The following CLASP2 variants were observed in gnomAD, a reference collection of about 807,000 sequenced individuals.
CLASP2 encodes CLIP-associating protein 2.
Under a neutral mutation model 194.4 loss-of-function variants are expected in CLASP2, and 47 were observed. The observed-to-expected ratio is 0.24, with a 90% CI of 0.19 to 0.31. The LOEUF (loss-of-function observed/expected upper bound fraction) is 0.31, where lower values mean the gene tolerates loss of function less well. Among genes scored for constraint, CLASP2 ranks in the 10% least tolerant of loss-of-function variants. CLASP2 has a pLI of 1.00. For missense variants in CLASP2, 1,445 were observed against 1,823.6 expected, an observed-to-expected ratio of 0.79 and a Z score of 3.78; for synonymous variants, 619 against 633.5, an observed-to-expected ratio of 0.98 and a Z score of 0.34.
intron 5 of CLASP2, among the ~76,000 whole-genome samples, chr3:33,685,032 A>T (rs2090442766): frequency 7.1e-6 from 1 of 141,190 alleles, no homozygotes; most frequent in Non-Finnish European, 1.5e-5. Flanking sequence ...TAAATAAATA[A>T]TAATAATAAT....
chr3:33,612,165 A>C, intron 12 of CLASP2, 94 bp from the exon 13 acceptor site: 1 of 753,430 alleles, frequency 1.3e-6, no homozygotes, highest in Non-Finnish European at 2.2e-6. Context: ...TAGTTATGTT[A>C]CAAGAGGACA....
intron 7 of CLASP2, among the ~76,000 whole-genome samples, chr3:33,646,409 T>G (rs2082293217): frequency 6.6e-6 from 1 of 152,068 alleles, no homozygotes; most frequent in South Asian, 2.1e-4. Context: ...CATAACACTA[T>G]TAGGGAGTCA....
intron 27 of CLASP2, among the ~76,000 whole-genome samples, chr3:33,563,323 GTCT>G (rs546407738): frequency 5.4e-4 from 82 of 152,222 alleles, no homozygotes; most frequent in Admixed American, 3.3e-3. Flanking sequence ...CCTTTTGCAT[GTCT>G]TCATCCTGAT....
intron 30 of CLASP2, chr3:33,545,179 A>G (rs1007879120): frequency 1.2e-5 from 2 of 161,394 alleles, no homozygotes; most frequent in African/African-American, 4.8e-5. Context: ...AGGAGAAATA[A>G]TATCTAATCT....
At chr3:33,512,708 AGGCCAGGAGT>A (rs2050243770) in intron 36 of CLASP2, among the ~76,000 whole-genome samples, 1 of 149,586 alleles carries the variant, frequency 6.7e-6, no homozygotes, top group African/African-American at 2.5e-5. Flanking sequence ...AAAAAAAAAA[AGGCCAGGAGT>A]GGTGGCTCAG....
chr3:33,524,108 A>T (rs1375967905), intron 34 of CLASP2, among the ~76,000 whole-genome samples: 12 of 152,188 alleles, frequency 7.9e-5, no homozygotes, highest in Admixed American at 7.9e-4. Flanking sequence ...AATTACTTTA[A>T]ATGTAAACGA....
intron 9 of CLASP2, among the ~76,000 whole-genome samples, chr3:33,629,583 G>C (rs2078684439): frequency 6.6e-6 from 1 of 152,124 alleles, no homozygotes; most frequent in Admixed American, 6.6e-5. Flanking sequence ...ATATTAAGCA[G>C]AGAAATAACT....
At chr3:33,598,826 T>C (rs79819185) in intron 18 of CLASP2, among the ~76,000 whole-genome samples, 6,376 of 152,274 alleles carry the variant, frequency 0.042, 201 homozygotes, top group Non-Finnish European at 0.064. Flanking sequence ...AGAATAAATA[T>C]TCATAAATAT....
intron 38 of CLASP2, among the ~76,000 whole-genome samples, chr3:33,500,147 C>T (rs1486718684): frequency 6.6e-6 from 1 of 152,096 alleles, no homozygotes; most frequent in African/African-American, 2.4e-5. Context: ...ATCCTTTCAC[C>T]TCAGCCTCCC....
intron 6 of CLASP2, among the ~76,000 whole-genome samples, chr3:33,676,124 A>C (rs1337704984): frequency 1.3e-5 from 2 of 152,146 alleles, no homozygotes; most frequent in African/African-American, 2.4e-5. Context: ...CGCATTGCCA[A>C]GTCAATCCTA....
intron 34 of CLASP2, among the ~76,000 whole-genome samples, chr3:33,522,763 G>C (rs937553514): frequency 7.2e-5 from 11 of 152,184 alleles, no homozygotes; most frequent in African/African-American, 2.7e-4. Flanking sequence ...AAGAAGTATG[G>C]TAACTGAAAT....
In CLASP2 at chr3:33,584,612, T is replaced by C. The variant is rs1352227895; in HGVS notation, c.2239+138A>G. Reference sequence around the variant, plus strand: ...CCTAATTCAACTCATAAACTATTCTTCAATTGTTGAATTTTTAAGTTATTT... The same window carrying C: ...CCTAATTCAACTCATAAACTATTCTCCAATTGTTGAATTTTTAAGTTATTT... On this transcript the variant is annotated intron_variant, in intron 22 of 38. Coordinates refer to ENST00000682230, the MANE Select transcript of CLASP2 (RefSeq NM_001365631.1). 6 of 803,414 alleles carry C rather than the reference T, an allele frequency of 7.5e-6. No homozygotes were observed. The African/African-American group carries it at 1.1e-4, about 14-fold the overall frequency. 49.8% of individuals were successfully genotyped at this position (803,414 alleles called of 1,614,324 possible). A position where few individuals can be genotyped will look rare whatever the true frequency, so the allele number is the denominator to read the frequency against.
intron 21 of CLASP2, among the ~76,000 whole-genome samples, chr3:33,586,283 T>G (rs1382872604): frequency 1.3e-5 from 2 of 152,114 alleles, no homozygotes; most frequent in African/African-American, 4.8e-5. Flanking sequence ...TATAGGCTCC[T>G]GCCATCGCAC....
chr3:33,704,318 A>T (rs2092560620), intron 1 of CLASP2, among the ~76,000 whole-genome samples: 1 of 152,204 alleles, frequency 6.6e-6, no homozygotes, highest in Non-Finnish European at 1.5e-5. Flanking sequence ...GCTGTGCATT[A>T]TGCAGAAGCA....
At chr3:33,512,811 A>G (rs2050282261) in intron 36 of CLASP2, among the ~76,000 whole-genome samples, 1 of 151,798 alleles carries the variant, frequency 6.6e-6, no homozygotes, top group Non-Finnish European at 1.5e-5. Flanking sequence ...AACATGGTGA[A>G]ACCCTGTCTC....
At chr3:33,591,130 T>C (rs532505479) in intron 21 of CLASP2, among the ~76,000 whole-genome samples, 1 of 151,702 alleles carries the variant, frequency 6.6e-6, no homozygotes, top group South Asian at 2.1e-4. Context: ...TGGGCAGTGA[T>C]TGTGCCACTG....
At chr3:33,589,092 G>A (rs984844704) in intron 21 of CLASP2, among the ~76,000 whole-genome samples, 4 of 151,856 alleles carry the variant, frequency 2.6e-5, no homozygotes, top group East Asian at 1.9e-4. Context: ...CTACTCATAA[G>A]GAACAACTAC....
At chr3:33,551,474 GTGA>G (rs758356428) in intron 29 of CLASP2, 79 bp from the exon 30 acceptor site, 10 of 1,403,990 alleles carry the variant, frequency 7.1e-6, no homozygotes, top group African/African-American at 4.4e-5. Flanking sequence ...AAATAATCAG[GTGA>G]TGATGATGAT....
At chr3:33,524,718 C>T (rs1457138220) in intron 34 of CLASP2, among the ~76,000 whole-genome samples, 1 of 151,892 alleles carries the variant, frequency 6.6e-6, no homozygotes. Flanking sequence ...CAGGTTACAA[C>T]AGATAAAGGA....
Sources: gnomAD v4.1 joint callset for allele counts (sites outside exome capture counted in the v4.1 genomes callset) on GRCh38, gnomAD v4.1.1 for gene constraint, MANE v1.5 for transcripts, NCBI Gene and HGNC (gene_info 2026-07-23, HGNC 2026-07-21) for gene names.